The following CA10 variants were observed in gnomAD, a reference collection of about 807,000 sequenced individuals.
CA10 encodes carbonic anhydrase 10 (inactive).
A neutral mutation model predicts 44.2 loss-of-function variants in CA10; 14 were observed. The ratio of observed to expected loss-of-function variants is 0.32; its 90% CI spans 0.21 to 0.50. The LOEUF is 0.50. Among genes scored for constraint, CA10 ranks in the 20% least tolerant of loss-of-function variants. CA10 has a pLI of 0.99. For missense variants in CA10, 350 were observed against 409.7 expected, an observed-to-expected ratio of 0.85 and a Z score of 1.26; for synonymous variants, 159 against 141.6, an observed-to-expected ratio of 1.12 and a Z score of -0.87.
intron 3 of CA10, among the ~76,000 whole-genome samples, chr17:51,870,842 G>A (rs76429085): frequency 0.013 from 1,954 of 152,170 alleles, 21 homozygotes; most frequent in Non-Finnish European, 0.021. Flanking sequence ...AATACAGGGG[G>A]TGGTGGGATT....
At chr17:52,126,042 A>C (rs774964378) in intron 1 of CA10, among the ~76,000 whole-genome samples, 4 of 152,202 alleles carry the variant, frequency 2.6e-5, no homozygotes, top group Admixed American at 6.5e-5. Flanking sequence ...TGCCCTCAAA[A>C]GGTTTTCCAG....
At chr17:52,103,224 G>A (rs1013148313) in intron 1 of CA10, among the ~76,000 whole-genome samples, 2 of 152,144 alleles carry the variant, frequency 1.3e-5, no homozygotes, top group African/African-American at 4.8e-5. Flanking sequence ...CCACTATTTA[G>A]CGCAGGAGGA....
intron 4 of CA10, among the ~76,000 whole-genome samples, chr17:51,700,598 C>T (rs951158466): frequency 2.0e-5 from 3 of 152,180 alleles, no homozygotes; most frequent in Non-Finnish European, 4.4e-5. Context: ...CTCACCTTCA[C>T]GTCTCCGTGA....
At chr17:52,124,580 T>C (rs1020941563) in intron 1 of CA10, among the ~76,000 whole-genome samples, 1 of 152,216 alleles carries the variant, frequency 6.6e-6, no homozygotes. Context: ...GCATGATATA[T>C]AAGATATTCA....
intron 3 of CA10, among the ~76,000 whole-genome samples, chr17:51,774,764 G>T (rs1423037322): frequency 6.6e-6 from 1 of 152,088 alleles, no homozygotes; most frequent in African/African-American, 2.4e-5. Context: ...CATCTTCTAG[G>T]CTTCAAGGCC....
At chr17:51,972,223 G>A (rs562128832) in intron 2 of CA10, among the ~76,000 whole-genome samples, 1 of 152,038 alleles carries the variant, frequency 6.6e-6, no homozygotes, top group Non-Finnish European at 1.5e-5. Flanking sequence ...TCATGGAAAG[G>A]TTCAGACTGA....
intron 2 of CA10, among the ~76,000 whole-genome samples, chr17:52,022,332 T>C (rs1355127149): frequency 6.6e-6 from 1 of 152,046 alleles, no homozygotes; most frequent in African/African-American, 2.4e-5. Flanking sequence ...ATTCACGACA[T>C]GAACAGAATT....
At chr17:51,801,162 C>T (rs1042281965) in intron 3 of CA10, among the ~76,000 whole-genome samples, 5 of 152,146 alleles carry the variant, frequency 3.3e-5, no homozygotes, top group African/African-American at 4.8e-5. Context: ...AGTGCTTTGT[C>T]GTGGCAAGAG....
chr17:51,976,203 G>A (rs773519114), intron 2 of CA10, among the ~76,000 whole-genome samples: 3 of 152,096 alleles, frequency 2.0e-5, no homozygotes, highest in Admixed American at 6.5e-5. Flanking sequence ...GTTCACAATC[G>A]TAGTTAAAAA....
chr17:52,025,060 T>G (rs959857429), intron 2 of CA10, among the ~76,000 whole-genome samples: 3 of 151,908 alleles, frequency 2.0e-5, no homozygotes, highest in African/African-American at 4.8e-5. Flanking sequence ...GCTTGAACCA[T>G]CCCAAAACCT....
At chr17:51,891,224 T>C (rs1980842801) in intron 3 of CA10, among the ~76,000 whole-genome samples, 1 of 151,770 alleles carries the variant, frequency 6.6e-6, no homozygotes, top group South Asian at 2.1e-4. Context: ...GTGTGTGTGA[T>C]TGGGAGGGGT....
At chr17:51,690,394 G>T (rs1044314907) in intron 4 of CA10, among the ~76,000 whole-genome samples, 11 of 152,228 alleles carry the variant, frequency 7.2e-5, no homozygotes, top group South Asian at 2.1e-4. Context: ...CCAGCCTCTG[G>T]TAGCCAACAT....
chr17:52,083,853 G>T (rs1988048154), intron 1 of CA10, among the ~76,000 whole-genome samples: 1 of 152,110 alleles, frequency 6.6e-6, no homozygotes, highest in Admixed American at 6.5e-5. Flanking sequence ...TTGCTATTGT[G>T]AACAGTACTG....
At chr17:51,887,068 C>T (rs138076644) in intron 3 of CA10, among the ~76,000 whole-genome samples, 99 of 152,180 alleles carry the variant, frequency 6.5e-4, no homozygotes, top group African/African-American at 1.7e-3. Flanking sequence ...TTCTTGGCAT[C>T]CCTAATAATG....
chr17:51,653,261 C>T (rs1490585141), intron 5 of CA10, among the ~76,000 whole-genome samples: 1 of 152,154 alleles, frequency 6.6e-6, no homozygotes, highest in Non-Finnish European at 1.5e-5. Context: ...TTACAAGGGG[C>T]AGCTGAATGG....
rs750769830 is a variant in CA10, at chr17:51,703,343, C to CATGGA, written c.465+44289_465+44290insTCCAT. Reference sequence around the variant, plus strand: ...CACATTTGGAATATCATTATCTTTCCATGATAATATCTTTCCATGGAAAGA... The same window carrying CATGGA: ...CACATTTGGAATATCATTATCTTTCCATGGAATGATAATATCTTTCCATGGAAAGA... On this transcript the variant is annotated intron_variant, in intron 4 of 8. Transcript: ENST00000451037. Among the ~76,000 whole-genome samples the CATGGA allele has an allele frequency of 5.9e-5, 9 of 151,976 alleles. 1 individual carries two copies. The East Asian group carries it at 1.4e-3, about 23-fold the overall frequency.
intron 4 of CA10, among the ~76,000 whole-genome samples, chr17:51,696,391 G>A (rs190671963): frequency 5.3e-5 from 8 of 152,106 alleles, no homozygotes; most frequent in South Asian, 4.2e-4. Flanking sequence ...GGGAGGTTGC[G>A]TGTTTTCAGA....
chr17:51,886,491 G>A (rs912396996), intron 3 of CA10, among the ~76,000 whole-genome samples: 1 of 152,146 alleles, frequency 6.6e-6, no homozygotes, highest in Non-Finnish European at 1.5e-5. Context: ...CTGGCAATAA[G>A]CTCCCAGGAA....
chr17:51,981,568 T>C (rs974974973), intron 2 of CA10, among the ~76,000 whole-genome samples: 1 of 151,950 alleles, frequency 6.6e-6, no homozygotes, highest in African/African-American at 2.4e-5. Flanking sequence ...GTAATGAAAG[T>C]GTTATATCTT....
Sources: gnomAD v4.1 joint callset for allele counts (sites outside exome capture counted in the v4.1 genomes callset) on GRCh38, gnomAD v4.1.1 for gene constraint, MANE v1.5 for transcripts, NCBI Gene and HGNC (gene_info 2026-07-23, HGNC 2026-07-21) for gene names.